Variants in MEIOB observed in about 807,000 individuals in gnomAD.
MEIOB encodes meiosis-specific with OB domain-containing protein.
MEIOB carries 50 observed loss-of-function variants against 53.1 expected under a neutral mutation model. That is an observed-to-expected ratio of 0.94 (90% confidence interval 0.75 to 1.19). MEIOB has a LOEUF of 1.19. MEIOB is among the 50% of genes most tolerant of loss of function. MEIOB has a pLI of 0.00. For synonymous variants in MEIOB, 192 were observed against 182.5 expected (o/e 1.05, Z -0.42); for missense variants, 551 against 550.8 (o/e 1.00, Z 0.00).
chr16:1,849,270 A>G (rs569389929), intron 9 of MEIOB, among the ~76,000 whole-genome samples: 1 of 152,084 alleles, frequency 6.6e-6, no homozygotes, highest in South Asian at 2.1e-4. Context: ...AATACAAAAA[A>G]GGCTGGGCGC....
chr16:1,853,012 G>T (rs1197938086), intron 9 of MEIOB, 27 bp downstream of exon 9: 1 of 1,342,254 alleles, frequency 7.5e-7, no homozygotes, highest in Non-Finnish European at 1.1e-6. Flanking sequence ...TTTCCAAAGG[G>T]ATAAAAGGTT....
intron 9 of MEIOB, 52 bp downstream of exon 9, chr16:1,852,987 A>G: frequency 3.7e-6 from 4 of 1,069,122 alleles, no homozygotes; most frequent in Non-Finnish European, 5.7e-6. Context: ...ATAAATATTG[A>G]AATGTGTTCA....
intron 12 of MEIOB, among the ~76,000 whole-genome samples, chr16:1,838,541 A>G (rs907933690): frequency 4.6e-5 from 7 of 152,296 alleles, no homozygotes; most frequent in Non-Finnish European, 8.8e-5. Context: ...AATCAAGGAG[A>G]AAACGTGTAG....
At chr16:1,834,719 G>A (rs1241531318) in intron 13 of MEIOB, among the ~76,000 whole-genome samples, 1 of 152,060 alleles carries the variant, frequency 6.6e-6, no homozygotes, top group Non-Finnish European at 1.5e-5. Context: ...GATCACCTGA[G>A]GTCAGGAGTT....
intron 2 of MEIOB, among the ~76,000 whole-genome samples, chr16:1,866,460 C>T (rs867268409): frequency 6.6e-6 from 1 of 152,082 alleles, no homozygotes; most frequent in African/African-American, 2.4e-5. Context: ...TTGGCTCACA[C>T]GTGTAATCCC....
chr16:1,844,951 G>A lies in MEIOB; in HGVS notation c.791C>T (p.Ala264Val). The change falls in exon 10 of 14, where the codon GCT becomes GTT. Residue 264 changes from alanine (A) to valine (V), a missense_variant. Transcript: ENST00000325962. The part of the protein sequence containing the change: ...IITTNPDIPE[A>V]NILLNFIREN... ...TCGTATAAAATTCAGCAGAATGTTA[G>A]CTTCTGGTATATCTTAAATTGAAAA... 1 of 1,503,168 alleles carries A rather than the reference G, an allele frequency of 6.7e-7. No homozygotes were observed. The highest frequency in any genetic ancestry group is 9.2e-7 in the Non-Finnish European group (1 of 1,089,322). The allele number at this position is 1,503,168 out of a possible 1,614,324, so 93.1% of individuals were successfully genotyped here.
intron 1 of MEIOB, among the ~76,000 whole-genome samples, chr16:1,870,937 T>C (rs1040706033): frequency 6.6e-6 from 1 of 152,112 alleles, no homozygotes; most frequent in Non-Finnish European, 1.5e-5. Context: ...GAATATTCTG[T>C]ACAAACACAA....
rs550432668 is a variant in MEIOB, at chr16:1,860,714, A to G, written c.260-239T>C. Among the ~76,000 whole-genome samples the G allele has an allele frequency of 2.6e-5, 4 of 152,302 alleles. No individual in the cohort carries two copies. The South Asian group carries it at 6.2e-4, about 24-fold the overall frequency. On this transcript the variant is annotated intron_variant, in intron 4 of 13. Transcript: ENST00000325962. ...CAGCATTTATTCAAGGGATGTCTATAGCTATACTGGGCCCTATGAAGTTTG... is the reference window on the plus strand; with the variant it reads ...CAGCATTTATTCAAGGGATGTCTATGGCTATACTGGGCCCTATGAAGTTTG...
At chr16:1,869,549 G>A (rs991895768) in intron 1 of MEIOB, among the ~76,000 whole-genome samples, 2 of 151,820 alleles carry the variant, frequency 1.3e-5, no homozygotes, top group Non-Finnish European at 2.9e-5. Context: ...CTGGGTTCAC[G>A]CCATTCTCCC....
chr16:1,847,599 A>AGAGGG (rs987332955), intron 9 of MEIOB, among the ~76,000 whole-genome samples: 9 of 149,216 alleles, frequency 6.0e-5, no homozygotes, highest in Admixed American at 1.3e-4. Flanking sequence ...AGAAAAGAGA[A>AGAGGG]GAGGGGAGGG....
intron 11 of MEIOB, among the ~76,000 whole-genome samples, chr16:1,841,569 T>A (rs968250228): frequency 6.6e-6 from 1 of 152,202 alleles, no homozygotes; most frequent in Admixed American, 6.6e-5. Context: ...GACAAGTTTG[T>A]CAAAAGTTTC....
chr16:1,853,365 G>A (rs916999167), intron 7 of MEIOB, 94 bp from the exon 8 acceptor site: 6 of 1,049,468 alleles, frequency 5.7e-6, no homozygotes, highest in Middle Eastern at 2.8e-4. Flanking sequence ...AAGCTTCAGT[G>A]GCTGGGGTCA....
intron 12 of MEIOB, 91 bp from the exon 13 acceptor site, chr16:1,837,961 G>C: frequency 6.9e-7 from 1 of 1,446,212 alleles, no homozygotes; most frequent in Non-Finnish European, 9.2e-7. Flanking sequence ...TTTCTCATTA[G>C]AAATGAAATT....
intron 13 of MEIOB, 150 bp from the exon 14 acceptor site, chr16:1,834,516 G>A: frequency 1.9e-6 from 1 of 530,366 alleles, no homozygotes; most frequent in East Asian, 3.2e-5. Context: ...GCTGTAAGAT[G>A]ATGGGAAGAG....
chr16:1,862,150 G>A (rs1425320351), intron 3 of MEIOB, 34 bp from the exon 4 acceptor site: 1 of 1,530,208 alleles, frequency 6.5e-7, no homozygotes, highest in South Asian at 1.2e-5. Context: ...TTTTTCAAAT[G>A]AAGAGTTTCA....
At chr16:1,838,039 C>A in intron 12 of MEIOB, 169 bp from the exon 13 acceptor site, 1 of 1,302,106 alleles carries the variant, frequency 7.7e-7, no homozygotes, top group South Asian at 1.6e-5. Context: ...CTCTGTCGCC[C>A]AAGCTGGAGT....
intron 6 of MEIOB, among the ~76,000 whole-genome samples, chr16:1,857,074 A>G (rs149848867): frequency 6.7e-4 from 102 of 152,200 alleles, no homozygotes; most frequent in African/African-American, 2.3e-3. Context: ...ATTTTCATGT[A>G]CTTTATTTTG....
At chr16:1,853,736 C>A (rs1460767409) in intron 7 of MEIOB, among the ~76,000 whole-genome samples, 4 of 152,154 alleles carry the variant, frequency 2.6e-5, no homozygotes, top group African/African-American at 7.2e-5. Context: ...GGTGCAGTCC[C>A]CACCCTGGCC....
At chr16:1,835,262 C>CAA (rs372656598) in intron 13 of MEIOB, among the ~76,000 whole-genome samples, 1 of 106,166 alleles carries the variant, frequency 9.4e-6, no homozygotes, top group African/African-American at 3.6e-5. Context: ...GACTGTGTCT[C>CAA]AAAAAAAAAA....
Sources: allele counts gnomAD v4.1 joint callset (sites outside exome capture counted in the v4.1 genomes callset), GRCh38; gene constraint gnomAD v4.1.1; transcripts MANE v1.5; gene names NCBI Gene and HGNC (gene_info 2026-07-23, HGNC 2026-07-21).